CDH9: variants seen among roughly 807,000 people sequenced by gnomAD.
The protein encoded by CDH9 is cadherin-9.
CDH9 carries 28 observed loss-of-function variants against 70.9 expected under a neutral mutation model. That is an observed-to-expected ratio of 0.40 (90% CI 0.29 to 0.54). CDH9 has a LOEUF of 0.54. CDH9 is among the 20% of genes least tolerant of loss of function. CDH9 has a pLI of 0.59. For synonymous variants in CDH9, 409 were observed against 343.1 expected, an observed-to-expected ratio of 1.19 and a Z score of -2.12; for missense variants, 874 against 984.4, an observed-to-expected ratio of 0.89 and a Z score of 1.50.
intron 2 of CDH9, among the ~76,000 whole-genome samples, chr5:26,951,065 G>A (rs180713229): frequency 2.0e-5 from 3 of 152,054 alleles, no homozygotes; most frequent in East Asian, 1.9e-4. Context: ...AAGTCAAGGC[G>A]GGCAGATCAT....
intron 2 of CDH9, among the ~76,000 whole-genome samples, chr5:26,937,732 T>C (rs1052303172): frequency 6.6e-5 from 10 of 152,118 alleles, no homozygotes; most frequent in African/African-American, 2.4e-4. Flanking sequence ...AAAGACTATA[T>C]ACCATAGGAT....
At chr5:27,006,488 G>A (rs923861599) in intron 1 of CDH9, among the ~76,000 whole-genome samples, 1 of 152,054 alleles carries the variant, frequency 6.6e-6, no homozygotes, top group African/African-American at 2.4e-5. Context: ...GCTTTACAGT[G>A]AGCCACAGCT....
intron 1 of CDH9, among the ~76,000 whole-genome samples, chr5:27,028,864 C>T (rs978132731): frequency 6.6e-6 from 1 of 151,876 alleles, no homozygotes; most frequent in African/African-American, 2.4e-5. Context: ...GGTAGGGATA[C>T]AGAGAGAGAA....
At position 27,001,842 on chromosome 5, in the gene CDH9, A is replaced by ACTCT. The variant is rs1430161167; in HGVS notation, c.-49-13461_-49-13460insAGAG. On this transcript the variant is annotated intron_variant, in intron 1 of 11. Transcript: ENST00000231021. Reference sequence around the variant, plus strand: ...CAGTGCTTAACATACACACACACACACACTCTCTCTCTCTCTCTCTCTCTC... The same window carrying ACTCT: ...CAGTGCTTAACATACACACACACACACTCTCACTCTCTCTCTCTCTCTCTCTCTC... Among the ~76,000 whole-genome samples the ACTCT allele has an allele frequency of 5.0e-3, 632 of 125,898 alleles. 4 individuals are homozygous for ACTCT. The highest frequency in any genetic ancestry group is 0.018 in the African/African-American group (594 of 32,164). The allele number at this position is 125,898 out of a possible 152,430, so 82.6% of individuals were successfully genotyped here. A position where few individuals can be genotyped will look rare whatever the true frequency, so the allele number is the denominator to read the frequency against.
chr5:26,972,314 A>G (rs1742233674), intron 2 of CDH9, among the ~76,000 whole-genome samples: 1 of 152,194 alleles, frequency 6.6e-6, no homozygotes, highest in Admixed American at 6.5e-5. Context: ...AAGAGAAATC[A>G]AAAGAACCAG....
intron 1 of CDH9, among the ~76,000 whole-genome samples, chr5:27,026,291 A>G (rs575480487): frequency 1.3e-5 from 2 of 152,088 alleles, no homozygotes; most frequent in African/African-American, 4.8e-5. Flanking sequence ...GGGTTTATGA[A>G]TTAAATTAAC....
chr5:26,942,407 TC>T (rs2112036949), intron 2 of CDH9, among the ~76,000 whole-genome samples: 1 of 152,144 alleles, frequency 6.6e-6, no homozygotes, highest in South Asian at 2.1e-4. Context: ...AATGGGTTAA[TC>T]CATTTATGAG....
chr5:26,987,546 C>T (rs562772134), intron 2 of CDH9, among the ~76,000 whole-genome samples: 1 of 152,058 alleles, frequency 6.6e-6, no homozygotes, highest in East Asian at 1.9e-4. Flanking sequence ...GTTACATATT[C>T]TCTATTATTG....
chr5:26,988,176 C>G lies in CDH9; in HGVS notation c.158G>C (p.Arg53Pro). The G allele has an allele frequency of 6.2e-7, 1 of 1,613,454 alleles. No homozygotes were observed. Among genetic ancestry groups the G allele is most frequent in the Non-Finnish European group, 8.5e-7 (1 of 1,179,624 alleles). ...DDGKMLRRTK[R>P]GWMWNQFFLL... ...GAAGAACTGATTCCACATCCAGCCA[C>G]GCTTGGTGCGACGTAGCATTTTACC... The change falls in exon 2 of 12, where the codon CGT becomes CCT. Residue 53 changes from arginine (R) to proline (P), a missense_variant. Arg to Pro is a moderately radical substitution (Grantham distance 103, BLOSUM62 -2). Coordinates refer to ENST00000231021, the MANE Select transcript of CDH9 (RefSeq NM_016279.4).
At chr5:26,936,473 T>A (rs927829599) in intron 2 of CDH9, among the ~76,000 whole-genome samples, 1 of 152,106 alleles carries the variant, frequency 6.6e-6, no homozygotes, top group African/African-American at 2.4e-5. Flanking sequence ...CCACTCAGTA[T>A]TTTAAAGAGT....
intron 2 of CDH9, among the ~76,000 whole-genome samples, chr5:26,917,044 T>C (rs1410101432): frequency 6.6e-6 from 1 of 151,948 alleles, no homozygotes; most frequent in African/African-American, 2.4e-5. Context: ...AAACAGACCA[T>C]GTAATCCTAG....
intron 2 of CDH9, among the ~76,000 whole-genome samples, chr5:26,958,458 G>A (rs1411098335): frequency 6.6e-6 from 1 of 152,144 alleles, no homozygotes. Flanking sequence ...CTGAGATAAA[G>A]TCTGTCATTC....
chr5:26,999,911 C>T (rs1288398692), intron 1 of CDH9, among the ~76,000 whole-genome samples: 1 of 151,974 alleles, frequency 6.6e-6, no homozygotes, highest in East Asian at 1.9e-4. Flanking sequence ...TGAAGAATAT[C>T]TTAATGACCT....
At position 26,886,091 on chromosome 5, in the gene CDH9, C is replaced by T; in HGVS notation, c.1513-8G>A. 2 of 1,579,500 alleles carry T rather than the reference C, an allele frequency of 1.3e-6. No individual in the cohort carries two copies. Among genetic ancestry groups the T allele is most frequent in the Non-Finnish European group, 1.7e-6 (2 of 1,169,464 alleles). ...ACTGACAGTCTGAATCAACTGAAAC[C>T]AAAATTAATTAATTAATTAATTAAG... On this transcript the variant is annotated splice_region_variant and splice_polypyrimidine_tract_variant and intron_variant, in intron 9 of 11. Coordinates refer to ENST00000231021, the MANE Select transcript of CDH9 (RefSeq NM_016279.4).
chr5:26,969,375 T>C (rs991620217), intron 2 of CDH9, among the ~76,000 whole-genome samples: 1 of 152,138 alleles, frequency 6.6e-6, no homozygotes, highest in African/African-American at 2.4e-5. Context: ...TTTACAAGAC[T>C]GATTGGAGAA....
At chr5:26,894,385 T>G (rs1167182254) in intron 7 of CDH9, among the ~76,000 whole-genome samples, 1 of 152,124 alleles carries the variant, frequency 6.6e-6, no homozygotes, top group Non-Finnish European at 1.5e-5. Flanking sequence ...CTTGTATCTT[T>G]TTTCAGGATC....
intron 2 of CDH9, among the ~76,000 whole-genome samples, chr5:26,918,450 A>T (rs749818483): frequency 1.8e-4 from 28 of 152,338 alleles, no homozygotes; most frequent in Middle Eastern, 6.8e-3. Flanking sequence ...AAAGACTGAT[A>T]TTCTTCTATT....
At chr5:27,014,839 TAA>T (rs1459546620) in intron 1 of CDH9, among the ~76,000 whole-genome samples, 1 of 151,842 alleles carries the variant, frequency 6.6e-6, no homozygotes, top group African/African-American at 2.4e-5. Flanking sequence ...TCAATTCATC[TAA>T]GAGTTTTTCA....
intron 1 of CDH9, among the ~76,000 whole-genome samples, chr5:27,014,926 G>A (rs1743021045): frequency 2.6e-5 from 4 of 151,844 alleles, no homozygotes; most frequent in Admixed American, 2.0e-4. Flanking sequence ...AGAGTTTAAT[G>A]TAGAAATACG....
Sources: allele counts gnomAD v4.1 joint callset (sites outside exome capture counted in the v4.1 genomes callset), GRCh38; gene constraint gnomAD v4.1.1; transcripts MANE v1.5; gene names NCBI Gene and HGNC (gene_info 2026-07-23, HGNC 2026-07-21).